KIF21A: variants seen among roughly 807,000 people sequenced by gnomAD.
KIF21A encodes the protein kinesin family member 21A.
KIF21A carries 114 observed loss-of-function variants against 202.9 expected under a neutral mutation model. The observed-to-expected ratio is 0.56, with a 90% CI of 0.48 to 0.66. KIF21A has a LOEUF of 0.66. Among genes scored for constraint, KIF21A ranks in the 30% least tolerant of loss-of-function variants. The pLI, the probability that KIF21A is intolerant of heterozygous loss-of-function variation, is 0.00. For missense variants in KIF21A, 1,677 were observed against 1,994.9 expected (o/e 0.84, Z 3.04); for synonymous variants, 667 against 670.8 (o/e 0.99, Z 0.09).
rs886049337 is a variant in KIF21A at position 39,294,098 on chromosome 12, A to T, written c.*326T>A. ...CATCGTATTCCAGGTGTGTTTTCTGACTGTCACAAAAGCAGACGTCTTGGT... is the reference window on the plus strand; with the variant it reads ...CATCGTATTCCAGGTGTGTTTTCTGTCTGTCACAAAAGCAGACGTCTTGGT... On this transcript the variant is annotated 3_prime_UTR_variant, in exon 38 of 38. Transcript: ENST00000361418. 1.9e-5 allele frequency: 5 copies of T among 263,144 alleles called. No individual in the cohort carries two copies. Among genetic ancestry groups the T allele is most frequent in the Non-Finnish European group, 3.7e-5 (5 of 135,772 alleles). 16.3% of individuals were successfully genotyped at this position (263,144 alleles called of 1,614,324 possible).
intron 1 of KIF21A, among the ~76,000 whole-genome samples, chr12:39,390,700 T>A (rs1025438412): frequency 2.4e-4 from 37 of 151,816 alleles, no homozygotes; most frequent in African/African-American, 8.5e-4. Context: ...AGGAAAAAAA[T>A]ATATATATAT....
chr12:39,410,521 G>A (rs1953002716), intron 1 of KIF21A, among the ~76,000 whole-genome samples: 1 of 152,064 alleles, frequency 6.6e-6, no homozygotes, highest in Admixed American at 6.6e-5. Flanking sequence ...TAATAAAGCA[G>A]ACCAAAAAAC....
intron 35 of KIF21A, among the ~76,000 whole-genome samples, chr12:39,303,598 CT>C (rs533407512): frequency 1.4e-3 from 211 of 152,174 alleles, no homozygotes; most frequent in Middle Eastern, 3.4e-3. Context: ...ATGTTACATG[CT>C]TTGTGTCTGT....
At chr12:39,322,458 C>A in intron 27 of KIF21A, 1 of 479,904 alleles carries the variant, frequency 2.1e-6, no homozygotes, top group South Asian at 3.1e-5. Context: ...AACTTGGAGA[C>A]AAGACAAAGC....
At position 39,366,421 on chromosome 12, in the gene KIF21A, A is replaced by T. The variant is rs138390624; in HGVS notation, c.832T>A (p.Ser278Thr). The change falls in exon 6 of 38, where the codon TCT (serine) becomes ACT (threonine). Residue 278 changes from serine to threonine, a missense_variant. By Grantham distance (58) the Ser-to-Thr change is moderately conservative. Around this residue, in one of 3 missense-constraint regions of KIF21A, gnomAD observed 966 missense variants for 1,180.9 expected, o/e 0.82. Coordinates refer to ENST00000361418, the MANE Select transcript of KIF21A (RefSeq NM_001173464.2). ...GCTCCAGTACGCTTCAGTCTTTCAGATCCTGCGAGATCAACAAAATGGAAC... is the reference window on the plus strand; with the variant it reads ...GCTCCAGTACGCTTCAGTCTTTCAGTTCCTGCGAGATCAACAAAATGGAAC... Reference protein sequence around the residue: ...AKFHFVDLAGSERLKRTGATG... With the variant: ...AKFHFVDLAGTERLKRTGATG... 6.8e-5 allele frequency: 110 copies of T among 1,613,870 alleles called. No homozygotes were observed. Among genetic ancestry groups the T allele is most frequent in the Non-Finnish European group, 9.0e-5 (106 of 1,179,916 alleles).
At chr12:39,430,806 G>A (rs1312046538) in intron 1 of KIF21A, among the ~76,000 whole-genome samples, 1 of 151,850 alleles carries the variant, frequency 6.6e-6, no homozygotes, top group Non-Finnish European at 1.5e-5. Context: ...AGATAATAAG[G>A]ATTAGATAAG....
At chr12:39,413,925 A>G (rs1953325317) in intron 1 of KIF21A, among the ~76,000 whole-genome samples, 1 of 152,204 alleles carries the variant, frequency 6.6e-6, no homozygotes, top group Non-Finnish European at 1.5e-5. Context: ...AAAAAATGTA[A>G]TATTTGAGGC....
chr12:39,308,879 A>G (rs1943733275), intron 33 of KIF21A, among the ~76,000 whole-genome samples: 1 of 152,204 alleles, frequency 6.6e-6, no homozygotes. Context: ...ACAGCACTTA[A>G]AAACAGTCTC....
intron 1 of KIF21A, among the ~76,000 whole-genome samples, chr12:39,397,676 G>A (rs1394960981): frequency 1.3e-5 from 2 of 152,142 alleles, no homozygotes; most frequent in African/African-American, 2.4e-5. Flanking sequence ...GAGCCTCACC[G>A]AAGGAAGCCA....
intron 28 of KIF21A, 102 bp from the exon 29 acceptor site, chr12:39,318,303 A>T: frequency 9.2e-7 from 1 of 1,082,334 alleles, no homozygotes; most frequent in East Asian, 2.6e-5. Context: ...TTTTTATTAG[A>T]GAACTCCTTC....
chr12:39,339,305 T>C (rs1947252440), intron 16 of KIF21A, among the ~76,000 whole-genome samples: 1 of 152,040 alleles, frequency 6.6e-6, no homozygotes, highest in South Asian at 2.1e-4. Context: ...CTTTTCTATG[T>C]TTAGATATGT....
chr12:39,370,252 T>G lies in KIF21A; in HGVS notation c.54A>C (p.Pro18=). 6.2e-7 allele frequency: 1 copy of G among 1,610,760 alleles called. No individual in the cohort carries two copies. Among genetic ancestry groups the G allele is most frequent in the Non-Finnish European group, 8.5e-7 (1 of 1,177,166 alleles). The change falls in exon 2 of 38, where the codon CCA becomes CCC. Residue 18 remains proline (P), a synonymous_variant. Coordinates refer to ENST00000361418, the MANE Select transcript of KIF21A (RefSeq NM_001173464.2). ...CTTCAATCTTCTCTTTGGCAAGCTG[T>G]GGTCTTATTCTGTGAGAAATAATCA... ...SSVRVAVRIR[P]QLAKEKIEGC... is the part of the protein sequence containing the mutation.
At chr12:39,432,852 C>A (rs563065998) in intron 1 of KIF21A, among the ~76,000 whole-genome samples, 3 of 152,086 alleles carry the variant, frequency 2.0e-5, no homozygotes, top group East Asian at 1.9e-4. Flanking sequence ...CTCAAGTGAT[C>A]TGCCCACCTC....
chr12:39,443,065 G>A lies in KIF21A; in HGVS notation c.-95C>T, dbSNP rs1036247593. 3.9e-6 allele frequency: 5 copies of A among 1,288,284 alleles called. No homozygotes were observed. The highest frequency in any genetic ancestry group is 5.1e-6 in the Non-Finnish European group (5 of 988,886). 79.8% of individuals were successfully genotyped at this position (1,288,284 alleles called of 1,614,324 possible). Reference sequence around the variant, plus strand: ...GGACTCGGGCGCAGTAGGCTGGGGCGTCTGCGGGCGGGCGGCCGGCTCACC... The same window carrying A: ...GGACTCGGGCGCAGTAGGCTGGGGCATCTGCGGGCGGGCGGCCGGCTCACC... On this transcript the variant is annotated 5_prime_UTR_variant, in exon 1 of 38. It adds an upstream start codon to the 5' untranslated region. Coordinates refer to ENST00000361418, the MANE Select transcript of KIF21A (RefSeq NM_001173464.2).
chr12:39,325,056 C>T (rs535445014), intron 26 of KIF21A, among the ~76,000 whole-genome samples: 5 of 152,266 alleles, frequency 3.3e-5, no homozygotes, highest in East Asian at 3.9e-4. Context: ...CCTACAAATA[C>T]GCATCATAGC....
rs1261194298 is a variant in KIF21A, at chr12:39,311,450, A to G, written c.4063T>C (p.Ser1355Pro). Reference sequence around the variant, plus strand: ...CCAGTGAAGAGGAGATCATCAGTAGAATCCACACAGAGCACAGCTTTTGTA... The same window carrying G: ...CCAGTGAAGAGGAGATCATCAGTAGGATCCACACAGAGCACAGCTTTTGTA... Reference protein sequence around the residue: ...GHTKAVLCVDSTDDLLFTGSK... With the variant: ...GHTKAVLCVDPTDDLLFTGSK... Residue 1355 changes from serine to proline, a missense_variant, in exon 32 of 38, where the codon TCT (serine) becomes CCT (proline). By Grantham distance (74) the Ser-to-Pro change is moderately conservative. Coordinates refer to ENST00000361418, the MANE Select transcript of KIF21A (RefSeq NM_001173464.2). 1 of 1,613,088 alleles carries G rather than the reference A, an allele frequency of 6.2e-7. No individual in the cohort carries two copies.
chr12:39,322,991 C>A, intron 26 of KIF21A, 109 bp from the exon 27 acceptor site: 1 of 824,004 alleles, frequency 1.2e-6, no homozygotes, highest in Non-Finnish European at 1.9e-6. Context: ...TTTAGCGTGT[C>A]TTTTCCTAGG....
Position 39,331,726 on chromosome 12 carries a change from G to A in KIF21A, c.3117C>T (p.Tyr1039=), listed in dbSNP as rs777218949. Residue 1039 remains tyrosine, a synonymous_variant, in exon 22 of 38, where the codon TAC becomes TAT. Transcript: ENST00000361418. The stretch of plus-strand genomic sequence containing the variant: ...CCATTGACAGGAAGTGATCTAGCAG[G>A]TATCGGGCTTCTGTAAGGGTGCAGG... ...INACTLTEAR[Y]LLDHFLSMGI... 3.7e-6 allele frequency: 6 copies of A among 1,613,340 alleles called. No individual in the cohort carries two copies. In the South Asian group the frequency reaches 5.5e-5, roughly 15 times the overall value.
chr12:39,370,225 T>C lies in KIF21A; in HGVS notation c.81A>G (p.Gly27=). ...GTGTGACAGATGTACAAATATGGCA[T>C]CCTTCAATCTTCTCTTTGGCAAGCT... ...RPQLAKEKIE[G]CHICTSVTPG... The change falls in exon 2 of 38, where the codon GGA becomes GGG. Residue 27 remains glycine (G), a synonymous_variant. Coordinates refer to ENST00000361418, the MANE Select transcript of KIF21A (RefSeq NM_001173464.2). 6.2e-7 allele frequency: 1 copy of C among 1,613,526 alleles called. No individual in the cohort carries two copies. Among genetic ancestry groups the C allele is most frequent in the Non-Finnish European group, 8.5e-7 (1 of 1,179,584 alleles).
Sources: allele counts gnomAD v4.1 joint callset (sites outside exome capture counted in the v4.1 genomes callset), GRCh38; gene constraint gnomAD v4.1.1; regional missense constraint gnomAD v4.1.1; transcripts MANE v1.5; gene names NCBI Gene and HGNC (gene_info 2026-07-23, HGNC 2026-07-21).